Variants in ZMAT4 observed in about 807,000 individuals in gnomAD.
ZMAT4 encodes the protein zinc finger matrin-type protein 4.
A neutral mutation model predicts 28.7 loss-of-function variants in ZMAT4; 17 were observed. That is an observed-to-expected ratio of 0.59 (90% CI 0.41 to 0.89). ZMAT4 has a LOEUF of 0.89. Among genes scored for constraint, ZMAT4 ranks in the 40% least tolerant of loss-of-function variants. The pLI, the probability that ZMAT4 is intolerant of heterozygous loss-of-function variation, is 0.00. For synonymous variants in ZMAT4, 117 were observed against 109.2 expected (o/e 1.07, Z -0.44); for missense variants, 240 against 283.8 (o/e 0.85, Z 1.11).
At chr8:40,801,600 G>A (rs1814852399) in intron 2 of ZMAT4, among the ~76,000 whole-genome samples, 1 of 151,834 alleles carries the variant, frequency 6.6e-6, no homozygotes. Context: ...AATCCAGGAG[G>A]CAGAGGTGGC....
intron 1 of ZMAT4, among the ~76,000 whole-genome samples, chr8:40,847,216 A>AC (rs1382597561): frequency 7.4e-6 from 1 of 135,052 alleles, no homozygotes; most frequent in African/African-American, 2.9e-5. Flanking sequence ...AAAACAAACA[A>AC]ACAAAAAAAA....
chr8:40,609,216 C>G (rs575977466), intron 5 of ZMAT4, among the ~76,000 whole-genome samples: 1 of 152,086 alleles, frequency 6.6e-6, no homozygotes, highest in African/African-American at 2.4e-5. Context: ...ATGTAAGACC[C>G]AAATTTTATC....
intron 3 of ZMAT4, among the ~76,000 whole-genome samples, chr8:40,717,171 A>G (rs1810893402): frequency 1.3e-5 from 2 of 152,176 alleles, no homozygotes; most frequent in South Asian, 4.1e-4. Context: ...CAAACCTTGC[A>G]CACAATGAAG....
chr8:40,746,741 G>A (rs1028940936), intron 3 of ZMAT4, among the ~76,000 whole-genome samples: 1 of 152,122 alleles, frequency 6.6e-6, no homozygotes, highest in Admixed American at 6.6e-5. Flanking sequence ...CCTAAAAACC[G>A]CACATGGTCT....
intron 2 of ZMAT4, among the ~76,000 whole-genome samples, chr8:40,813,344 A>C (rs1815404010): frequency 6.6e-6 from 1 of 152,240 alleles, no homozygotes; most frequent in Non-Finnish European, 1.5e-5. Context: ...GTTACAGAAG[A>C]AGAAATTAAA....
intron 3 of ZMAT4, among the ~76,000 whole-genome samples, chr8:40,728,840 G>C (rs1404757787): frequency 6.6e-6 from 1 of 152,052 alleles, no homozygotes; most frequent in African/African-American, 2.4e-5. Flanking sequence ...GTGCTCATGT[G>C]TAGTCAACCC....
chr8:40,611,486 G>T (rs185320123), intron 5 of ZMAT4, among the ~76,000 whole-genome samples: 105 of 152,096 alleles, frequency 6.9e-4, no homozygotes, highest in African/African-American at 2.4e-3. Flanking sequence ...GAATATAGGC[G>T]CACGCCACCA....
intron 1 of ZMAT4, among the ~76,000 whole-genome samples, chr8:40,840,978 C>T (rs955212017): frequency 8.5e-5 from 13 of 152,176 alleles, no homozygotes; most frequent in East Asian, 1.9e-4. Flanking sequence ...ACCTGGCACC[C>T]GGGGGAGTTC....
At chr8:40,780,253 G>A (rs1379666994) in intron 2 of ZMAT4, among the ~76,000 whole-genome samples, 1 of 152,108 alleles carries the variant, frequency 6.6e-6, no homozygotes, top group Non-Finnish European at 1.5e-5. Flanking sequence ...CCTTACACAT[G>A]CTCAGAACAC....
intron 6 of ZMAT4, among the ~76,000 whole-genome samples, chr8:40,545,183 G>C (rs1227484986): frequency 6.6e-6 from 1 of 152,042 alleles, no homozygotes; most frequent in South Asian, 2.1e-4. Context: ...CTGCGCGAGT[G>C]AGGTTGAGAG....
At chr8:40,690,470 C>G (rs1000004792) in intron 4 of ZMAT4, among the ~76,000 whole-genome samples, 4 of 152,132 alleles carry the variant, frequency 2.6e-5, no homozygotes, top group African/African-American at 7.2e-5. Context: ...AACATGCCAG[C>G]TTTCCTAATT....
chr8:40,644,329 A>T (rs910177233), intron 5 of ZMAT4, among the ~76,000 whole-genome samples: 1 of 152,262 alleles, frequency 6.6e-6, no homozygotes, highest in South Asian at 2.1e-4. Flanking sequence ...TCTAGGACTG[A>T]GGCAGGAAAT....
intron 1 of ZMAT4, among the ~76,000 whole-genome samples, chr8:40,871,272 A>G (rs906340678): frequency 2.6e-5 from 4 of 152,198 alleles, no homozygotes; most frequent in Admixed American, 6.5e-5. Context: ...GTACAATTCT[A>G]TGAGTGCACA....
intron 1 of ZMAT4, among the ~76,000 whole-genome samples, chr8:40,878,559 C>G (rs988590998): frequency 6.6e-5 from 10 of 152,342 alleles, no homozygotes; most frequent in Middle Eastern, 3.4e-3. Flanking sequence ...CTATTTTATA[C>G]TCAGCAGGGA....
At chr8:40,862,597 A>AG (rs1263581711) in intron 1 of ZMAT4, among the ~76,000 whole-genome samples, 5 of 145,596 alleles carry the variant, frequency 3.4e-5, no homozygotes, top group Non-Finnish European at 6.0e-5. Flanking sequence ...AAAAAAAAAA[A>AG]AAAGAAAATT....
intron 3 of ZMAT4, among the ~76,000 whole-genome samples, chr8:40,752,707 T>C (rs1169054746): frequency 6.6e-6 from 1 of 152,086 alleles, no homozygotes; most frequent in East Asian, 1.9e-4. Context: ...TCCAAATCTA[T>C]CAATGTCTCA....
chr8:40,685,879 A>C (rs1292041391), intron 4 of ZMAT4, among the ~76,000 whole-genome samples: 2 of 152,184 alleles, frequency 1.3e-5, no homozygotes, highest in Non-Finnish European at 2.9e-5. Context: ...CAAAGACTCC[A>C]GACCCACTTA....
At chr8:40,829,129 G>T (rs1816184089) in intron 1 of ZMAT4, among the ~76,000 whole-genome samples, 1 of 152,156 alleles carries the variant, frequency 6.6e-6, no homozygotes, top group Non-Finnish European at 1.5e-5. Context: ...TTCGTATTGT[G>T]CTGTGCCATG....
intron 1 of ZMAT4, among the ~76,000 whole-genome samples, chr8:40,838,248 A>T (rs1329447666): frequency 1.3e-5 from 2 of 152,188 alleles, no homozygotes; most frequent in African/African-American, 4.8e-5. Flanking sequence ...AGGAAATGAG[A>T]CTGCATTGAT....
Sources: allele counts gnomAD v4.1 joint callset (sites outside exome capture counted in the v4.1 genomes callset), GRCh38; gene constraint gnomAD v4.1.1; transcripts MANE v1.5; gene names NCBI Gene and HGNC (gene_info 2026-07-23, HGNC 2026-07-21).